Variants in ATRNL1 observed in about 807,000 individuals in gnomAD.
ATRNL1 encodes the protein attractin like 1.
Under a neutral mutation model 182.7 loss-of-function variants are expected in ATRNL1, and 95 were observed. The observed-to-expected ratio is 0.52, with a 90% CI of 0.44 to 0.62. The LOEUF is 0.62. Among genes scored for constraint, ATRNL1 ranks in the 20% least tolerant of loss-of-function variants. The pLI, the probability that ATRNL1 is intolerant of heterozygous loss-of-function variation, is 0.00. For synonymous variants in ATRNL1, 576 were observed against 568.3 expected (o/e 1.01, Z -0.19); for missense variants, 1,471 against 1,679.5 (o/e 0.88, Z 2.17).
chr10:115,598,170 A>T (rs1483061257), intron 26 of ATRNL1, among the ~76,000 whole-genome samples: 1 of 151,552 alleles, frequency 6.6e-6, no homozygotes, highest in African/African-American at 2.4e-5. Flanking sequence ...AAACAATAGC[A>T]TCAGCATATT....
At chr10:115,910,563 A>G (rs1206810392) in intron 28 of ATRNL1, among the ~76,000 whole-genome samples, 3 of 151,890 alleles carry the variant, frequency 2.0e-5, no homozygotes, top group Non-Finnish European at 2.9e-5. Context: ...TGCCACACCC[A>G]ACACAAGCAA....
chr10:115,282,517 A>C (rs1393415145), intron 14 of ATRNL1, among the ~76,000 whole-genome samples: 1 of 151,846 alleles, frequency 6.6e-6, no homozygotes, highest in Non-Finnish European at 1.5e-5. Flanking sequence ...GAATTTTATA[A>C]ACTACAGCAA....
At chr10:115,484,661 A>C (rs1483133996) in intron 24 of ATRNL1, among the ~76,000 whole-genome samples, 1 of 151,806 alleles carries the variant, frequency 6.6e-6, no homozygotes, top group Non-Finnish European at 1.5e-5. Context: ...GTATTTGAAC[A>C]TAAACTCTAC....
At chr10:115,251,839 C>T (rs1460114062) in intron 10 of ATRNL1, among the ~76,000 whole-genome samples, 2 of 152,148 alleles carry the variant, frequency 1.3e-5, no homozygotes, top group African/African-American at 4.8e-5. Flanking sequence ...GTGAACATCA[C>T]CTCTTGTGGC....
At chr10:115,202,628 G>T (rs1848629896) in intron 8 of ATRNL1, among the ~76,000 whole-genome samples, 1 of 148,488 alleles carries the variant, frequency 6.7e-6, no homozygotes, top group Admixed American at 6.7e-5. Flanking sequence ...GCTGGATTCG[G>T]TTTGCCAGTA....
intron 20 of ATRNL1, among the ~76,000 whole-genome samples, chr10:115,395,222 G>C (rs1049392919): frequency 6.6e-6 from 1 of 151,832 alleles, no homozygotes; most frequent in Non-Finnish European, 1.5e-5. Context: ...CATGGTGTAT[G>C]TGGACCACAT....
At chr10:115,780,789 C>A (rs1431363014) in intron 27 of ATRNL1, among the ~76,000 whole-genome samples, 1 of 152,050 alleles carries the variant, frequency 6.6e-6, no homozygotes, top group Non-Finnish European at 1.5e-5. Context: ...GTCTTTGGGC[C>A]CTTAAAAACC....
chr10:115,552,491 T>G (rs374943767), intron 26 of ATRNL1, among the ~76,000 whole-genome samples: 1 of 151,384 alleles, frequency 6.6e-6, no homozygotes, highest in African/African-American at 2.4e-5. Context: ...GTAGTTTTAT[T>G]TCAGCAGTTA....
intron 26 of ATRNL1, among the ~76,000 whole-genome samples, chr10:115,587,055 T>G (rs1855559713): frequency 6.7e-6 from 1 of 149,762 alleles, no homozygotes; most frequent in Admixed American, 6.7e-5. Context: ...TGCCTCCCAG[T>G]TAGGCTGCTC....
intron 5 of ATRNL1, among the ~76,000 whole-genome samples, chr10:115,158,005 C>T (rs550538721): frequency 6.6e-6 from 1 of 151,704 alleles, no homozygotes; most frequent in Admixed American, 6.6e-5. Context: ...TGGGTGGTGG[C>T]CTGTTTTTAA....
chr10:115,738,804 TTTAAG>T (rs1402287430), intron 27 of ATRNL1, among the ~76,000 whole-genome samples: 1 of 152,074 alleles, frequency 6.6e-6, no homozygotes, highest in African/African-American at 2.4e-5. Context: ...TCTACATGGT[TTTAAG>T]TTAATATAAT....
At chr10:115,736,137 T>G (rs1393809054) in intron 27 of ATRNL1, among the ~76,000 whole-genome samples, 1 of 152,202 alleles carries the variant, frequency 6.6e-6, no homozygotes, top group African/African-American at 2.4e-5. Flanking sequence ...TTATTCCCCT[T>G]CTAAGACTCT....
At chr10:115,164,434 A>G (rs1321765735) in intron 6 of ATRNL1, among the ~76,000 whole-genome samples, 1 of 152,148 alleles carries the variant, frequency 6.6e-6, no homozygotes, top group Non-Finnish European at 1.5e-5. Context: ...GGTTCCTCAA[A>G]CTGAAAATAG....
At chr10:115,129,827 A>G (rs1267084857) in intron 5 of ATRNL1, among the ~76,000 whole-genome samples, 1 of 152,092 alleles carries the variant, frequency 6.6e-6, no homozygotes, top group East Asian at 1.9e-4. Context: ...TTGTTGTTGA[A>G]TCTCCCCAAA....
chr10:115,442,932 G>A (rs1209146078), intron 21 of ATRNL1, among the ~76,000 whole-genome samples: 3 of 152,000 alleles, frequency 2.0e-5, no homozygotes, highest in Non-Finnish European at 2.9e-5. Flanking sequence ...ATGCTCCTTA[G>A]CAGTCTATTT....
intron 18 of ATRNL1, among the ~76,000 whole-genome samples, chr10:115,324,775 T>C (rs1554932639): frequency 6.6e-6 from 1 of 152,220 alleles, no homozygotes; most frequent in East Asian, 1.9e-4. Flanking sequence ...TTTAGCTTGC[T>C]TCCTTTAGGA....
intron 19 of ATRNL1, among the ~76,000 whole-genome samples, chr10:115,392,288 A>G (rs1844067820): frequency 6.6e-6 from 1 of 152,160 alleles, no homozygotes; most frequent in African/African-American, 2.4e-5. Flanking sequence ...ATAGAGTATA[A>G]TCAAAATACA....
intron 8 of ATRNL1, among the ~76,000 whole-genome samples, chr10:115,211,821 C>G (rs1471692460): frequency 3.4e-5 from 5 of 146,730 alleles, no homozygotes; most frequent in African/African-American, 1.2e-4. Context: ...TCTATGTGTT[C>G]TCATCGTTCA....
At position 115,142,262 on chromosome 10, in the gene ATRNL1, C is replaced by A. The variant is rs147154815; in HGVS notation, c.829+12727C>A. On this transcript the variant is annotated intron_variant, in intron 5 of 28. Coordinates refer to ENST00000355044, the MANE Select transcript of ATRNL1 (RefSeq NM_207303.4). ...TTGACATGTGAGAAAAGACTTTAAGCAAGCAAGAGAGTTCAACCATATAGA... is the reference window on the plus strand; with the variant it reads ...TTGACATGTGAGAAAAGACTTTAAGAAAGCAAGAGAGTTCAACCATATAGA... Among the ~76,000 whole-genome samples the A allele has an allele frequency of 6.1e-3, 926 of 152,190 alleles. 13 individuals are homozygous for A. The highest frequency in any genetic ancestry group is 0.021 in the African/African-American group (892 of 41,524).
Sources: allele counts gnomAD v4.1 joint callset (sites outside exome capture counted in the v4.1 genomes callset), GRCh38; gene constraint gnomAD v4.1.1; transcripts MANE v1.5; gene names NCBI Gene and HGNC (gene_info 2026-07-23, HGNC 2026-07-21).